The following DMRT1 variants were observed in gnomAD, a reference collection of about 807,000 sequenced individuals.
DMRT1 encodes the protein doublesex and mab-3 related transcription factor 1.
DMRT1 carries 7 observed loss-of-function variants against 32.3 expected under a neutral mutation model. That is an observed-to-expected ratio of 0.22 (90% CI 0.12 to 0.41). The LOEUF is 0.41. Ranked by LOEUF, DMRT1 falls within the 10% of genes least tolerant of loss-of-function variation. The pLI is 1.00. For synonymous variants in DMRT1, 278 were observed against 206.1 expected (o/e 1.35, Z -2.99); for missense variants, 625 against 500.5 (o/e 1.25, Z -2.37).
chr9:860,228 C>T (rs1267331838), intron 2 of DMRT1, among the ~76,000 whole-genome samples: 2 of 152,000 alleles, frequency 1.3e-5, no homozygotes, highest in Non-Finnish European at 2.9e-5. Flanking sequence ...ACCCTGGAGG[C>T]GGAGGTTGCA....
At chr9:942,197 T>G (rs1310820065) in intron 4 of DMRT1, among the ~76,000 whole-genome samples, 1 of 152,200 alleles carries the variant, frequency 6.6e-6, no homozygotes. Context: ...TCTGTTTCTT[T>G]TATGGTAATC....
intron 4 of DMRT1, among the ~76,000 whole-genome samples, chr9:921,962 C>T (rs2129804224): frequency 6.6e-6 from 1 of 152,278 alleles, no homozygotes; most frequent in African/African-American, 2.4e-5. Flanking sequence ...CTCACTGTAG[C>T]ATCAACTTTC....
At position 851,501 on chromosome 9, in the gene DMRT1, G is replaced by A. The variant is rs566178797; in HGVS notation, c.538+4358G>A. ...TGATTGCCCGCCTCGGCCTCCCAAAGTGCTGGGATTACAGGCGTGAGCCAC... is the reference window on the plus strand; with the variant it reads ...TGATTGCCCGCCTCGGCCTCCCAAAATGCTGGGATTACAGGCGTGAGCCAC... On this transcript the variant is annotated intron_variant, in intron 2 of 4. Transcript: ENST00000382276. 7.9e-5 allele frequency among the ~76,000 whole-genome samples: 12 copies of A among 152,270 alleles called. No individual in the cohort carries two copies. The South Asian group carries it at 2.3e-3, about 29-fold the overall frequency.
chr9:904,908 C>T (rs1445578955), intron 3 of DMRT1, among the ~76,000 whole-genome samples: 1 of 150,000 alleles, frequency 6.7e-6, no homozygotes, highest in Admixed American at 6.7e-5. Flanking sequence ...CGCCACTGTA[C>T]TCCAGCCTGG....
chr9:876,619 C>T (rs1816510561), intron 2 of DMRT1, among the ~76,000 whole-genome samples: 1 of 151,984 alleles, frequency 6.6e-6, no homozygotes, highest in South Asian at 2.1e-4. Context: ...CAACCCCCAC[C>T]TCCTGAGCTC....
At chr9:851,267 C>T (rs1839140194) in intron 2 of DMRT1, among the ~76,000 whole-genome samples, 1 of 152,130 alleles carries the variant, frequency 6.6e-6, no homozygotes, top group Non-Finnish European at 1.5e-5. Context: ...GAGACACAGT[C>T]TCGCTCTATC....
chr9:895,676 A>T (rs1355032276), intron 3 of DMRT1, among the ~76,000 whole-genome samples: 1 of 151,856 alleles, frequency 6.6e-6, no homozygotes, highest in African/African-American at 2.4e-5. Context: ...TACCATTTTT[A>T]TGTGTGTGGT....
At chr9:930,380 G>A (rs1818671525) in intron 4 of DMRT1, among the ~76,000 whole-genome samples, 1 of 151,726 alleles carries the variant, frequency 6.6e-6, no homozygotes, top group African/African-American at 2.4e-5. Flanking sequence ...CTACAGGTGT[G>A]CACCACCACA....
intron 2 of DMRT1, among the ~76,000 whole-genome samples, chr9:851,181 AT>A (rs1399287879): frequency 2.6e-5 from 4 of 152,164 alleles, no homozygotes; most frequent in Non-Finnish European, 5.9e-5. Flanking sequence ...CTACTTTCTA[AT>A]ACCTGATGTC....
chr9:908,463 G>T (rs1586601941), intron 3 of DMRT1, among the ~76,000 whole-genome samples: 1 of 151,668 alleles, frequency 6.6e-6, no homozygotes. Flanking sequence ...CTCTAAAAAT[G>T]TTTTTTTAAA....
intron 2 of DMRT1, among the ~76,000 whole-genome samples, chr9:888,317 T>TC (rs1280097727): frequency 7.6e-6 from 1 of 131,464 alleles, no homozygotes; most frequent in African/African-American, 2.9e-5. Context: ...TTTTTTTTTT[T>TC]CCTTTTGAGA....
chr9:842,308 C>G (rs758517384), intron 1 of DMRT1, 116 bp downstream of exon 1: 3 of 1,329,804 alleles, frequency 2.3e-6, no homozygotes, highest in Non-Finnish European at 2.0e-6. Context: ...GATCTTGGCT[C>G]ACTGCAACCT....
intron 4 of DMRT1, among the ~76,000 whole-genome samples, chr9:954,690 G>A (rs1336652746): frequency 6.6e-6 from 1 of 152,044 alleles, no homozygotes; most frequent in Non-Finnish European, 1.5e-5. Flanking sequence ...TCGCCAAGCT[G>A]GAGTGCAGTA....
At chr9:861,072 T>C (rs1377152398) in intron 2 of DMRT1, among the ~76,000 whole-genome samples, 2 of 125,952 alleles carry the variant, frequency 1.6e-5, no homozygotes, top group African/African-American at 6.6e-5. Flanking sequence ...TTTTTTTTTT[T>C]AGTATTTATT....
chr9:960,289 TCA>T (rs1819729637), intron 4 of DMRT1, among the ~76,000 whole-genome samples: 1 of 152,234 alleles, frequency 6.6e-6, no homozygotes, highest in South Asian at 2.1e-4. Flanking sequence ...TGACTTTCCT[TCA>T]CATCAGAATT....
At chr9:924,492 C>G (rs952450027) in intron 4 of DMRT1, among the ~76,000 whole-genome samples, 1 of 152,168 alleles carries the variant, frequency 6.6e-6, no homozygotes, top group African/African-American at 2.4e-5. Flanking sequence ...AATCTGTCAT[C>G]TCTCATATAC....
At chr9:902,157 C>T (rs796072512) in intron 3 of DMRT1, among the ~76,000 whole-genome samples, 3 of 149,560 alleles carry the variant, frequency 2.0e-5, no homozygotes, top group Non-Finnish European at 4.4e-5. Flanking sequence ...TGATCCGCCC[C>T]CCTCAGCCTC....
chr9:842,204 C>T lies in DMRT1; in HGVS notation c.354+12C>T. 7.1e-7 allele frequency: 1 copy of T among 1,406,804 alleles called. No homozygotes were observed. The highest frequency in any genetic ancestry group is 9.6e-7 in the Non-Finnish European group (1 of 1,042,700). The allele number at this position is 1,406,804 out of a possible 1,614,324, so 87.1% of individuals were successfully genotyped here. A position where few individuals can be genotyped will look rare whatever the true frequency, so the allele number is the denominator to read the frequency against. ...TGATGGCCGCGCAGGTGGGTGCGGG[C>T]GTGCGGGAGCCCGGGTTCAGCCTTA... is the stretch of plus-strand genomic sequence containing the variant. On this transcript the variant is annotated intron_variant, in intron 1 of 4. Transcript: ENST00000382276.
intron 2 of DMRT1, among the ~76,000 whole-genome samples, chr9:872,809 A>C (rs1192205996): frequency 6.6e-6 from 1 of 152,214 alleles, no homozygotes; most frequent in Non-Finnish European, 1.5e-5. Context: ...TTGGTGGTTC[A>C]TGTGGTGGGT....
Sources: allele counts gnomAD v4.1 joint callset (sites outside exome capture counted in the v4.1 genomes callset), GRCh38; gene constraint gnomAD v4.1.1; transcripts MANE v1.5; gene names NCBI Gene and HGNC (gene_info 2026-07-23, HGNC 2026-07-21).